TTC19: variants seen among roughly 807,000 people sequenced by gnomAD.
The protein encoded by TTC19 is tetratricopeptide repeat domain 19.
TTC19 carries 38 observed loss-of-function variants against 49.5 expected under a neutral mutation model. That is an observed-to-expected ratio of 0.77 (90% CI 0.59 to 1.01). TTC19 has a LOEUF of 1.01. TTC19 is among the 50% of genes least tolerant of loss of function. The pLI, the probability that TTC19 is intolerant of heterozygous loss-of-function variation, is 0.00. For synonymous variants in TTC19, 204 were observed against 185.2 expected (o/e 1.10, Z -0.83); for missense variants, 475 against 477.7 (o/e 0.99, Z 0.05).
exon 3 of TTC19, chr17:16,044,751 C>A: frequency 6.1e-6 from 5 of 820,228 alleles, no homozygotes; most frequent in Admixed American, 5.2e-5. Context: ...CCTTTTTGGT[C>A]CAGCTTGTTT....
chr17:16,043,361 T>C (rs565838391), intron 2 of TTC19, among the ~76,000 whole-genome samples: 84 of 152,268 alleles, frequency 5.5e-4, no homozygotes, highest in African/African-American at 1.8e-3. Flanking sequence ...CACTGGTTCT[T>C]TAATATAAAT....
In TTC19 at chr17:16,039,348, T is replaced by G. The variant is rs1478042785; in HGVS notation, c.248-5155T>G. The G allele has an allele frequency of 4.7e-6, 6 of 1,270,392 alleles. No individual in the cohort carries two copies. In the African/African-American group the frequency reaches 7.4e-5, roughly 16 times the overall value. 78.7% of individuals were successfully genotyped at this position (1,270,392 alleles called of 1,614,324 possible). A position where few individuals can be genotyped will look rare whatever the true frequency, so the allele number is the denominator to read the frequency against. On this transcript the variant is annotated intron_variant, in intron 2 of 2. Coordinates refer to the TTC19 transcript ENST00000470649. ...TGAGCACATAAAGACATAAATGAAA[T>G]GTCTTAGTGATGCATCAGAATTTGG...
At chr17:16,026,848 G>T in intron 9 of TTC19, 146 bp downstream of exon 9, 2 of 864,640 alleles carry the variant, frequency 2.3e-6, no homozygotes, top group African/African-American at 1.7e-5. Flanking sequence ...GAAAAAGGAG[G>T]TATTGATTAG....
At chr17:16,037,560 T>G (rs903773266) in intron 2 of TTC19, among the ~76,000 whole-genome samples, 2 of 152,208 alleles carry the variant, frequency 1.3e-5, no homozygotes, top group South Asian at 2.1e-4. Context: ...ACATCAAGCC[T>G]TCTTTACTGG....
chr17:16,032,173 G>A (rs559888118), downstream of TTC19: 9 of 938,976 alleles, frequency 9.6e-6, no homozygotes, highest in East Asian at 2.8e-4. Context: ...CTGTGGGCTG[G>A]CTCTCCTGAA....
Position 16,027,495 on chromosome 17 carries a change from A to C in TTC19, c.1116A>C (p.Arg372Ser). ...EELAELSKKS[R>S]PLTNSVKL is the part of the protein sequence containing the mutation. ...TGGCTGAGCTGTCAAAGAAAAGTAG[A>C]CCTTTGACAAATTCTGTCAAGCTCT... Residue 372 changes from arginine (R) to serine (S), a missense_variant, in exon 10 of 10, where the codon AGA (arginine) becomes AGC (serine). Physicochemically the swap from Arg to Ser is moderately radical, Grantham distance 110. Coordinates refer to ENST00000261647, the MANE Select transcript of TTC19 (RefSeq NM_017775.4). 6.2e-7 allele frequency: 1 copy of C among 1,614,042 alleles called. No homozygotes were observed. Among genetic ancestry groups the C allele is most frequent in the South Asian group, 1.1e-5 (1 of 91,064 alleles).
At chr17:16,023,145 GAA>G (rs1971436809) in intron 7 of TTC19, among the ~76,000 whole-genome samples, 1 of 152,174 alleles carries the variant, frequency 6.6e-6, no homozygotes, top group African/African-American at 2.4e-5. Flanking sequence ...TTTATCTTTA[GAA>G]AAGTTTGCTT....
Position 16,028,818 on chromosome 17 carries a change from CAAAAAAAA to C in TTC19, c.*1317_*1324del, listed in dbSNP as rs59177775. On this transcript the variant is annotated 3_prime_UTR_variant, in exon 10 of 10. Coordinates refer to ENST00000261647, the MANE Select transcript of TTC19 (RefSeq NM_017775.4). ...GTATCCCAGTAATCTTTGCATTTCT[CAAAAAAAA>C]AAAAAAAAAAAAAAAAAAAACTTTC... The C allele has an allele frequency of 0.01, 1,025 of 98,834 alleles. 10 individuals carry two copies. Among genetic ancestry groups the C allele is most frequent in the African/African-American group, 0.052 (649 of 12,426 alleles). 6.1% of individuals were successfully genotyped at this position (98,834 alleles called of 1,614,324 possible).
chr17:16,027,408 A>G lies in TTC19; in HGVS notation c.1029A>G (p.Glu343=). 1 of 1,614,166 alleles carries G rather than the reference A, an allele frequency of 6.2e-7. No homozygotes were observed. Among genetic ancestry groups the G allele is most frequent in the East Asian group, 2.2e-5 (1 of 44,882 alleles). ...RYTQAKEIYQ[E]ALKQAKLKKD... is the part of the protein sequence containing the mutation. Reference sequence around the variant, plus strand: ...CACAAGCAAAAGAGATCTACCAGGAAGCACTGAAGCAAGCAAAGCTGAAAA... The same window carrying G: ...CACAAGCAAAAGAGATCTACCAGGAGGCACTGAAGCAAGCAAAGCTGAAAA... Residue 343 remains glutamate (E), a synonymous_variant, in exon 10 of 10, where the codon GAA becomes GAG. Coordinates refer to ENST00000261647, the MANE Select transcript of TTC19 (RefSeq NM_017775.4).
chr17:16,027,736 G>A lies in TTC19; in HGVS notation c.*214G>A, dbSNP rs138198066. The A allele has an allele frequency of 1.6e-6, 1 of 631,350 alleles. No homozygotes were observed. The highest frequency in any genetic ancestry group is 3.2e-5 in the East Asian group (1 of 31,124). The allele number at this position is 631,350 out of a possible 1,614,324, so 39.1% of individuals were successfully genotyped here. A position where few individuals can be genotyped will look rare whatever the true frequency, so the allele number is the denominator to read the frequency against. ...TTCCCAACTGATTATGACCTTTCAG[G>A]ATGTCGTCAAGTGATGCTTTCAGTT... On this transcript the variant is annotated 3_prime_UTR_variant, in exon 10 of 10. Transcript: ENST00000261647.
downstream of TTC19, among the ~76,000 whole-genome samples, chr17:16,033,978 G>T (rs1173835762): frequency 6.6e-6 from 1 of 152,156 alleles, no homozygotes; most frequent in Non-Finnish European, 1.5e-5. Context: ...TAACAGGCAT[G>T]AGCCACCGCG....
downstream of TTC19, chr17:16,030,154 A>G: frequency 5.1e-6 from 1 of 195,806 alleles, no homozygotes; most frequent in Non-Finnish European, 1.1e-5. Flanking sequence ...AAGCTAGAGA[A>G]GAGAAAATGT....
At position 16,039,276 on chromosome 17, in the gene TTC19, G is replaced by GT. The variant is rs1379758382; in HGVS notation, c.248-5223dup. 1.8e-5 allele frequency: 13 copies of GT among 705,406 alleles called. No individual in the cohort carries two copies. In the Admixed American group the frequency reaches 2.1e-4, roughly 11 times the overall value. The allele number at this position is 705,406 out of a possible 1,614,324, so 43.7% of individuals were successfully genotyped here. The stretch of plus-strand genomic sequence containing the variant: ...TGTTCATATTATAATGTCTGGGTAG[G>GT]TTTTCAAAAACCTTTTTTAAGTAAC... On this transcript the variant is annotated intron_variant, in intron 2 of 2. Coordinates refer to the TTC19 transcript ENST00000470649.
chr17:16,029,808 T>G (rs1162272621), downstream of TTC19: 5 of 152,604 alleles, frequency 3.3e-5, no homozygotes, highest in African/African-American at 1.2e-4. Context: ...AGATTTCTTC[T>G]CCAGGTGATG....
At position 16,000,500 on chromosome 17, in the gene TTC19, T is replaced by C. The variant is rs1020465071; in HGVS notation, c.312+255T>C. ...ATGGCGCCCTAGGCATCACGCTTTA[T>C]GCAAACGAAATATCGGGAACGTTTT... On this transcript the variant is annotated intron_variant, in intron 2 of 9. Transcript: ENST00000261647. 111 of 1,047,074 alleles carry C rather than the reference T, an allele frequency of 1.1e-4. No homozygotes were observed. The African/African-American group carries it at 1.8e-3, about 17-fold the overall frequency. 64.9% of individuals were successfully genotyped at this position (1,047,074 alleles called of 1,614,324 possible). A position where few individuals can be genotyped will look rare whatever the true frequency, so the allele number is the denominator to read the frequency against.
chr17:16,020,463 AT>A (rs1971343223), intron 7 of TTC19, among the ~76,000 whole-genome samples: 1 of 152,092 alleles, frequency 6.6e-6, no homozygotes, highest in African/African-American at 2.4e-5. Context: ...ACATTAGGGC[AT>A]TTGATGTAGA....
At chr17:16,037,638 A>AC (rs902903899) in intron 2 of TTC19, among the ~76,000 whole-genome samples, 1 of 152,196 alleles carries the variant, frequency 6.6e-6, no homozygotes. Flanking sequence ...CTAATGACCA[A>AC]CCCCCCTTTC....
intron 2 of TTC19, among the ~76,000 whole-genome samples, chr17:16,041,975 A>C (rs761501834): frequency 3.3e-5 from 5 of 151,118 alleles, no homozygotes; most frequent in Non-Finnish European, 7.4e-5. Context: ...TGACCTCGAT[A>C]TGCCCGCCTC....
chr17:16,003,835 A>C lies in TTC19; in HGVS notation c.467A>C (p.Glu156Ala). 1 of 1,613,906 alleles carries C rather than the reference A, an allele frequency of 6.2e-7. No individual in the cohort carries two copies. Among genetic ancestry groups the C allele is most frequent in the East Asian group, 2.2e-5 (1 of 44,882 alleles). Residue 156 changes from glutamate (E) to alanine (A), a missense_variant, in exon 5 of 10, where the codon GAA (glutamate) becomes GCA (alanine). Physicochemically the swap from Glu to Ala is moderately radical, Grantham distance 107. Coordinates refer to ENST00000261647, the MANE Select transcript of TTC19 (RefSeq NM_017775.4). ...ATCTTTTCCTTATGCTTTTAGGCTG[A>C]ACAACTTTTTAAAGCAACAATGAGT... is the stretch of plus-strand genomic sequence containing the variant. ...AFIRGQLENA[E>A]QLFKATMSYL...
Sources: allele counts gnomAD v4.1 joint callset (sites outside exome capture counted in the v4.1 genomes callset), GRCh38; gene constraint gnomAD v4.1.1; transcripts MANE v1.5; gene names NCBI Gene and HGNC (gene_info 2026-07-23, HGNC 2026-07-21).